Variants in FRMD5 observed in about 807,000 individuals in gnomAD.
FRMD5 encodes FERM domain-containing protein 5.
In FRMD5, 20 loss-of-function variants were observed where a neutral mutation model predicts 69.0. That is an observed-to-expected ratio of 0.29 (90% CI 0.20 to 0.42). The LOEUF is 0.42. Ranked by LOEUF, FRMD5 falls within the 10% of genes least tolerant of loss-of-function variation. FRMD5 has a pLI of 1.00. For synonymous variants in FRMD5, 271 were observed against 260.1 expected, an observed-to-expected ratio of 1.04 and a Z score of -0.40; for missense variants, 595 against 708.6, an observed-to-expected ratio of 0.84 and a Z score of 1.82.
intron 13 of FRMD5, chr15:43,875,810 T>G (rs1429964320): frequency 2.7e-6 from 1 of 366,270 alleles, no homozygotes; most frequent in Admixed American, 4.5e-5. Context: ...CCTAGTTTTT[T>G]TTTTTTTTTT....
intron 5 of FRMD5, among the ~76,000 whole-genome samples, chr15:43,908,703 AAGGGGACGT>A (rs2089227355): frequency 2.0e-5 from 3 of 152,092 alleles, no homozygotes. Context: ...ATCTCAGGAG[AAGGGGACGT>A]GTGTGAAGAG....
At chr15:44,034,137 T>G (rs1225325569) in intron 1 of FRMD5, among the ~76,000 whole-genome samples, 1 of 152,156 alleles carries the variant, frequency 6.6e-6, no homozygotes, top group African/African-American at 2.4e-5. Context: ...GGCAATAGTC[T>G]GGGCATGAGA....
chr15:44,077,078 C>A (rs535394425), intron 1 of FRMD5, among the ~76,000 whole-genome samples: 1 of 152,188 alleles, frequency 6.6e-6, no homozygotes, highest in African/African-American at 2.4e-5. Context: ...GAAAACATTT[C>A]TTTTGCTCAC....
At chr15:43,962,629 G>T (rs1436132766) in intron 1 of FRMD5, among the ~76,000 whole-genome samples, 1 of 152,174 alleles carries the variant, frequency 6.6e-6, no homozygotes, top group Non-Finnish European at 1.5e-5. Context: ...CAAAGCTGGA[G>T]GCATCACACT....
At chr15:44,050,009 T>C (rs1483745298) in intron 1 of FRMD5, among the ~76,000 whole-genome samples, 1 of 152,210 alleles carries the variant, frequency 6.6e-6, no homozygotes, top group African/African-American at 2.4e-5. Flanking sequence ...ACAAGTAACC[T>C]TCCTGACCCC....
chr15:43,894,490 G>A (rs974897454), intron 7 of FRMD5, among the ~76,000 whole-genome samples: 2 of 152,034 alleles, frequency 1.3e-5, no homozygotes, highest in African/African-American at 2.4e-5. Flanking sequence ...GTCCGTATGT[G>A]CGTAAAAATG....
chr15:44,031,970 C>T (rs1014072949), intron 1 of FRMD5, among the ~76,000 whole-genome samples: 5 of 151,690 alleles, frequency 3.3e-5, no homozygotes, highest in Admixed American at 1.3e-4. Flanking sequence ...GTCTACAGTA[C>T]CCAAAACAGC....
At chr15:44,098,197 T>C (rs919150177) in intron 1 of FRMD5, among the ~76,000 whole-genome samples, 8 of 151,692 alleles carry the variant, frequency 5.3e-5, no homozygotes, top group African/African-American at 1.9e-4. Flanking sequence ...CTCTGTCACC[T>C]GACTCTTCAA....
chr15:43,969,327 C>T (rs1321950093), intron 1 of FRMD5, among the ~76,000 whole-genome samples: 1 of 152,120 alleles, frequency 6.6e-6, no homozygotes, highest in African/African-American at 2.4e-5. Context: ...AGCGATCCTC[C>T]CACCTCAGCC....
intron 1 of FRMD5, among the ~76,000 whole-genome samples, chr15:43,940,618 G>A (rs1036804600): frequency 9.9e-5 from 15 of 152,188 alleles, no homozygotes; most frequent in African/African-American, 3.4e-4. Context: ...ATGCCACATG[G>A]TGAAGGGCTG....
In FRMD5 at chr15:44,001,941, A is replaced by C. The variant is rs141228960; in HGVS notation, c.103-77632T>G. The stretch of plus-strand genomic sequence containing the variant: ...TCACCATGTTGGCTAGGCTGATCTC[A>C]AACTCCTGGCCTCAAGTGATCCACC... On this transcript the variant is annotated intron_variant, in intron 1 of 13. Coordinates refer to ENST00000417257, the MANE Select transcript of FRMD5 (RefSeq NM_032892.5). 2.3e-3 allele frequency among the ~76,000 whole-genome samples: 352 copies of C among 151,974 alleles called. 7 individuals are homozygous for C. The East Asian group carries it at 0.06, about 26-fold the overall frequency.
intron 1 of FRMD5, among the ~76,000 whole-genome samples, chr15:44,155,101 G>A (rs1330442793): frequency 6.6e-6 from 1 of 152,150 alleles, no homozygotes; most frequent in Non-Finnish European, 1.5e-5. Context: ...AATAACATGT[G>A]TTGGTGAGGA....
At chr15:43,919,580 A>C in intron 3 of FRMD5, 43 bp from the exon 4 acceptor site, 1 of 1,589,404 alleles carries the variant, frequency 6.3e-7, no homozygotes, top group South Asian at 1.1e-5. Flanking sequence ...ACTCTCACCC[A>C]GAAGAGGACA....
intron 5 of FRMD5, among the ~76,000 whole-genome samples, chr15:43,906,421 G>A (rs545456763): frequency 6.6e-6 from 1 of 152,266 alleles, no homozygotes; most frequent in South Asian, 2.1e-4. Context: ...GTAAATTGAT[G>A]AATGAGCTGC....
At chr15:43,901,018 T>G (rs1026604117) in intron 7 of FRMD5, among the ~76,000 whole-genome samples, 2 of 152,200 alleles carry the variant, frequency 1.3e-5, no homozygotes, top group Non-Finnish European at 2.9e-5. Context: ...AGACAGGATC[T>G]TTACAGAGGT....
chr15:43,965,383 T>C (rs945311266), intron 1 of FRMD5, among the ~76,000 whole-genome samples: 3 of 152,082 alleles, frequency 2.0e-5, no homozygotes, highest in Non-Finnish European at 4.4e-5. Context: ...AAGCAAGTCT[T>C]ATTACTGTAT....
rs1255529119 is a variant in FRMD5 at position 43,893,575 on chromosome 15, G to A, written c.640-1506C>T. ...ATGGTGATGGAGAGGGTGTAAGTGT[G>A]TTGAGGTGACCAGAAACTTATGCTG... On this transcript the variant is annotated intron_variant, in intron 7 of 13. Coordinates refer to ENST00000417257, the MANE Select transcript of FRMD5 (RefSeq NM_032892.5). Among the ~76,000 whole-genome samples, 10 of 152,228 alleles carry A rather than the reference G, an allele frequency of 6.6e-5. 1 individual carries two copies. Among genetic ancestry groups the A allele is most frequent in the Admixed American group, 6.5e-4 (10 of 15,278 alleles).
chr15:44,147,514 G>C (rs1254459322), intron 1 of FRMD5, among the ~76,000 whole-genome samples: 1 of 152,200 alleles, frequency 6.6e-6, no homozygotes, highest in Admixed American at 6.5e-5. Flanking sequence ...TGTGAGGAAT[G>C]TCAATGGTAG....
At chr15:43,879,394 C>T (rs563085705) in intron 13 of FRMD5, 2 of 397,850 alleles carry the variant, frequency 5.0e-6, no homozygotes, top group South Asian at 1.4e-4. Flanking sequence ...AAGCCACCAC[C>T]TGTCCTGCCA....
Sources: gnomAD v4.1 joint callset for allele counts (sites outside exome capture counted in the v4.1 genomes callset) on GRCh38, gnomAD v4.1.1 for gene constraint, MANE v1.5 for transcripts, NCBI Gene and HGNC (gene_info 2026-07-23, HGNC 2026-07-21) for gene names.